CBLB: variants seen among roughly 807,000 people sequenced by gnomAD.
CBLB encodes Cbl proto-oncogene B.
CBLB carries 31 observed loss-of-function variants against 104.9 expected under a neutral mutation model. That is an observed-to-expected ratio of 0.30 (90% confidence interval 0.22 to 0.40). The LOEUF (loss-of-function observed/expected upper bound fraction) is 0.40, where lower values mean the gene tolerates loss of function less well. CBLB is among the 10% of genes least tolerant of loss of function. The probability of loss-of-function intolerance (pLI) is 1.00; values close to 1 mark genes in which losing one functional copy is unlikely to be tolerated. For missense variants in CBLB, 1,062 were observed against 1,214.6 expected (o/e 0.87, Z 1.87); for synonymous variants, 440 against 422.6 (o/e 1.04, Z -0.51).
At chr3:105,775,892 G>C (rs1405718195) in intron 4 of CBLB, among the ~76,000 whole-genome samples, 2 of 152,012 alleles carry the variant, frequency 1.3e-5, no homozygotes, top group Non-Finnish European at 2.9e-5. Flanking sequence ...GCTGGATCAG[G>C]GTGCCAGGGC....
rs376103280 is a variant in CBLB at position 105,859,752 on chromosome 3, A to C, written c.169-6088T>G. Among the ~76,000 whole-genome samples the C allele has an allele frequency of 5.9e-5, 9 of 151,782 alleles. No individual in the cohort carries two copies. In the East Asian group the frequency reaches 1.2e-3, roughly 20 times the overall value. ...TTACAGTGACCTAAAGTATATATATATCTCTCTCTTTATAATAACAGGTAC... is the reference window on the plus strand; with the variant it reads ...TTACAGTGACCTAAAGTATATATATCTCTCTCTCTTTATAATAACAGGTAC... On this transcript the variant is annotated intron_variant, in intron 2 of 18. Coordinates refer to ENST00000394030, the MANE Select transcript of CBLB (RefSeq NM_170662.5).
intron 3 of CBLB, 123 bp from the exon 4 acceptor site, chr3:105,776,665 G>T: frequency 1.1e-6 from 1 of 897,152 alleles, no homozygotes; most frequent in Non-Finnish European, 1.7e-6. Flanking sequence ...CTTGGTGGTT[G>T]ATCACGAAAA....
intron 1 of CBLB, chr3:105,868,238 T>A: frequency 1.4e-5 from 17 of 1,231,694 alleles, no homozygotes; most frequent in Non-Finnish European, 1.5e-5. Context: ...AAATAGCCCA[T>A]TTGAAAAGAG....
At position 105,720,032 on chromosome 3, in the gene CBLB, T is replaced by C; in HGVS notation, c.1407+15A>G. The stretch of plus-strand genomic sequence containing the variant: ...GGTCACATCACCTTAACTAAACCCA[T>C]GTTTCTAGTTTTACCTTTCGGACGT... On this transcript the variant is annotated intron_variant, in intron 10 of 18. Transcript: ENST00000394030. The C allele has an allele frequency of 1.3e-6, 2 of 1,581,484 alleles. No homozygotes were observed. Among genetic ancestry groups the C allele is most frequent in the Non-Finnish European group, 1.7e-6 (2 of 1,150,282 alleles).
intron 2 of CBLB, among the ~76,000 whole-genome samples, chr3:105,866,302 G>A (rs1220024807): frequency 2.0e-5 from 3 of 152,208 alleles, no homozygotes; most frequent in African/African-American, 7.2e-5. Context: ...ACTACTGATA[G>A]TGGCTTTTAT....
intron 3 of CBLB, among the ~76,000 whole-genome samples, chr3:105,795,880 T>G (rs62261538): frequency 0.067 from 10,228 of 151,878 alleles, 511 homozygotes; most frequent in Admixed American, 0.15. Flanking sequence ...AGTAGCTGGG[T>G]CTGCAGGTGC....
intron 7 of CBLB, 46 bp from the exon 8 acceptor site, chr3:105,737,304 A>G (rs769355029): frequency 1.0e-6 from 1 of 960,620 alleles, no homozygotes; most frequent in South Asian, 1.5e-5. Context: ...ACAAGTTTTA[A>G]TTGCATTTAA....
intron 6 of CBLB, among the ~76,000 whole-genome samples, chr3:105,741,768 C>G (rs2075617498): frequency 6.6e-6 from 1 of 152,146 alleles, no homozygotes; most frequent in Non-Finnish European, 1.5e-5. Flanking sequence ...ATCCACCCGC[C>G]TCGGCATCCC....
At position 105,845,348 on chromosome 3, in the gene CBLB, T is replaced by TG. The variant is rs1256475072; in HGVS notation, c.419+8065dup. On this transcript the variant is annotated intron_variant, in intron 3 of 18. Coordinates refer to ENST00000394030, the MANE Select transcript of CBLB (RefSeq NM_170662.5). ...TTTTAGTTACTAAGAAACCAGGAGT[T>TG]GGGGGCTGAACAGTATTAACATGGG... Among the ~76,000 whole-genome samples the TG allele has an allele frequency of 1.2e-4, 18 of 148,772 alleles. 1 individual carries two copies. Among genetic ancestry groups the TG allele is most frequent in the Non-Finnish European group, 4.5e-5 (3 of 67,238 alleles).
rs987966229 is a variant in CBLB at position 105,658,461 on chromosome 3, A to G, written c.*509T>C. 3.9e-5 allele frequency: 9 copies of G among 227,870 alleles called. No individual in the cohort carries two copies. The highest frequency in any genetic ancestry group is 7.9e-5 in the Non-Finnish European group (9 of 114,636). The allele number at this position is 227,870 out of a possible 1,614,324, so 14.1% of individuals were successfully genotyped here. On this transcript the variant is annotated 3_prime_UTR_variant, in exon 19 of 19. Transcript: ENST00000394030. ...TTCAAAGCATCTTGTGAATGAGAGA[A>G]ATGGAACTGGACCTGGGCAAGGCAT... is the stretch of plus-strand genomic sequence containing the variant.
At chr3:105,697,965 C>T (rs1328628287) in intron 12 of CBLB, among the ~76,000 whole-genome samples, 4 of 151,776 alleles carry the variant, frequency 2.6e-5, no homozygotes, top group African/African-American at 4.8e-5. Context: ...CCACCAACAA[C>T]AATAAATATC....
At chr3:105,836,606 T>C (rs931787608) in intron 3 of CBLB, among the ~76,000 whole-genome samples, 1 of 152,170 alleles carries the variant, frequency 6.6e-6, no homozygotes, top group African/African-American at 2.4e-5. Context: ...AACCACAGTA[T>C]GGCCTGAGAA....
rs1383650499 is a variant in CBLB at position 105,665,478 on chromosome 3, C to CAT, written c.2689+4753_2689+4754dup. Reference sequence around the variant, plus strand: ...ACACATATATATACACACACACACACATATATATATTTCAGAGTGGTTAGG... The same window carrying CAT: ...ACACATATATATACACACACACACACATATATATATATTTCAGAGTGGTTAGG... On this transcript the variant is annotated intron_variant, in intron 18 of 18. Transcript: ENST00000394030. 8.8e-3 allele frequency among the ~76,000 whole-genome samples: 1,224 copies of CAT among 139,518 alleles called. 31 individuals carry two copies. Among genetic ancestry groups the CAT allele is most frequent in the African/African-American group, 0.029 (1,091 of 37,052 alleles). The allele number at this position is 139,518 out of a possible 152,430, so 91.5% of individuals were successfully genotyped here. A position where few individuals can be genotyped will look rare whatever the true frequency, so the allele number is the denominator to read the frequency against.
intron 10 of CBLB, among the ~76,000 whole-genome samples, chr3:105,707,381 AT>A (rs943472618): frequency 2.0e-4 from 30 of 152,152 alleles, no homozygotes; most frequent in African/African-American, 6.8e-4. Context: ...AAGAAAAAAA[AT>A]ATCTTTCATC....
chr3:105,699,954 T>C (rs2068860006), intron 12 of CBLB, among the ~76,000 whole-genome samples: 1 of 152,090 alleles, frequency 6.6e-6, no homozygotes, highest in African/African-American at 2.4e-5. Flanking sequence ...AGATTAGAAC[T>C]TAGGAAATCT....
In CBLB at chr3:105,857,920, C is replaced by A. The variant is rs563157014; in HGVS notation, c.169-4256G>T. Among the ~76,000 whole-genome samples the A allele has an allele frequency of 3.3e-5, 5 of 152,282 alleles. No homozygotes were observed. In the East Asian group the frequency reaches 7.7e-4, roughly 24 times the overall value. On this transcript the variant is annotated intron_variant, in intron 2 of 18. Coordinates refer to ENST00000394030, the MANE Select transcript of CBLB (RefSeq NM_170662.5). ...AGGAGAAAAGCAGCAGCTCACTCAT[C>A]TCCACATAAGAGTGTCAGGAAATAC...
At chr3:105,692,898 C>A (rs1488133117) in intron 13 of CBLB, among the ~76,000 whole-genome samples, 1 of 148,300 alleles carries the variant, frequency 6.7e-6, no homozygotes, top group African/African-American at 2.5e-5. Context: ...TCTGGGGCCC[C>A]ATTTTTCAAA....
intron 10 of CBLB, among the ~76,000 whole-genome samples, chr3:105,718,767 G>C (rs1430894974): frequency 6.6e-6 from 1 of 152,190 alleles, no homozygotes; most frequent in Non-Finnish European, 1.5e-5. Flanking sequence ...CCCAAGTCAG[G>C]AGGAAGGGTG....
chr3:105,714,353 C>A lies in CBLB; in HGVS notation c.1407+5694G>T, dbSNP rs183062031. On this transcript the variant is annotated intron_variant, in intron 10 of 18. Coordinates refer to ENST00000394030, the MANE Select transcript of CBLB (RefSeq NM_170662.5). ...GTTACATTTATTATGCACATTATTTCTATTATTATTACACTATAATATATA... is the reference window on the plus strand; with the variant it reads ...GTTACATTTATTATGCACATTATTTATATTATTATTACACTATAATATATA... 3.4e-4 allele frequency among the ~76,000 whole-genome samples: 52 copies of A among 152,208 alleles called. 1 individual carries two copies. The highest frequency in any genetic ancestry group is 2.9e-5 in the Non-Finnish European group (2 of 67,994).
Sources: gnomAD v4.1 joint callset for allele counts (sites outside exome capture counted in the v4.1 genomes callset) on GRCh38, gnomAD v4.1.1 for gene constraint, MANE v1.5 for transcripts, NCBI Gene and HGNC (gene_info 2026-07-23, HGNC 2026-07-21) for gene names.